The following POLR2F variants were observed in gnomAD, a reference collection of about 807,000 sequenced individuals.
POLR2F encodes the protein DNA-directed RNA polymerases I, II, and III subunit RPABC2.
In POLR2F, 12 loss-of-function variants were observed where a neutral mutation model predicts 22.7. That is an observed-to-expected ratio of 0.53 (90% CI 0.34 to 0.86). The LOEUF (loss-of-function observed/expected upper bound fraction) is 0.86. POLR2F is among the 40% of genes least tolerant of loss of function. The probability of loss-of-function intolerance (pLI) is 0.02; values close to 1 mark genes in which losing one functional copy is unlikely to be tolerated. For synonymous variants in POLR2F, 57 were observed against 66.0 expected, an observed-to-expected ratio of 0.86 and a Z score of 0.66; for missense variants, 126 against 171.5, an observed-to-expected ratio of 0.73 and a Z score of 1.48.
In POLR2F at chr22:38,011,742, T is replaced by C. The variant is rs150967605; in HGVS notation, c.121-14127T>C. Among the ~76,000 whole-genome samples the C allele has an allele frequency of 1.2e-3, 189 of 152,230 alleles. 3 individuals are homozygous for C. The highest frequency in any genetic ancestry group is 4.4e-3 in the African/African-American group (182 of 41,584). ...AATTCCTGTACTAGTCTGGATCCTT[T>C]GTGTTTCCATATAAATTTCAAAATC... On this transcript the variant is annotated intron_variant, in intron 1 of 2. Coordinates refer to the POLR2F transcript ENST00000333418.
chr22:37,956,708 T>C, intron 1 of POLR2F, 65 bp from the exon 2 acceptor site: 1 of 1,267,182 alleles, frequency 7.9e-7, no homozygotes, highest in Non-Finnish European at 1.2e-6. Context: ...TGATCCACCG[T>C]GCCTGGCCCC....
downstream of POLR2F, among the ~76,000 whole-genome samples, chr22:37,970,500 G>A (rs947781758): frequency 1.3e-5 from 2 of 150,606 alleles, no homozygotes; most frequent in Admixed American, 6.6e-5. Flanking sequence ...CCAGCTACTC[G>A]GGAGGCTGAG....
chr22:38,011,184 C>T (rs2084868843), intron 1 of POLR2F, among the ~76,000 whole-genome samples: 1 of 152,292 alleles, frequency 6.6e-6, no homozygotes, highest in South Asian at 2.1e-4. Flanking sequence ...TCACTACAGC[C>T]TCCATCTCCC....
intron 1 of POLR2F, among the ~76,000 whole-genome samples, chr22:38,022,017 G>A (rs1352919652): frequency 6.6e-6 from 1 of 150,568 alleles, no homozygotes. Context: ...TGTAATCCCA[G>A]CTACTCAGGA....
At chr22:37,974,086 G>A (rs1479720156), downstream of POLR2F, 1 of 1,613,942 alleles carries the variant, frequency 6.2e-7, no homozygotes, top group East Asian at 2.2e-5. This position sits in a 1 kb window ranked among gnomAD's most constrained non-coding sequence, Gnocchi z 5.4. Context: ...CGAAGTCGAT[G>A]TGAGGCTTCC....
intron 2 of POLR2F, among the ~76,000 whole-genome samples, chr22:37,957,310 G>T (rs2145730995): frequency 6.6e-6 from 1 of 152,296 alleles, no homozygotes; most frequent in East Asian, 1.9e-4. Context: ...CTCGAGTAAG[G>T]AGTGAACTGG....
At chr22:37,982,406 G>A (rs914661548), upstream of POLR2F, among the ~76,000 whole-genome samples, 3 of 152,118 alleles carry the variant, frequency 2.0e-5, no homozygotes, top group South Asian at 2.1e-4. Flanking sequence ...TGGGAGTGGG[G>A]GACTGTCTTG....
chr22:37,985,031 C>T, upstream of POLR2F: 1 of 152,678 alleles, frequency 6.5e-6, no homozygotes, highest in Non-Finnish European at 1.5e-5. Flanking sequence ...GCTCCTCACC[C>T]TGCCTCCTAC....
chr22:38,005,150 G>A (rs1227568285), intron 1 of POLR2F, among the ~76,000 whole-genome samples: 1 of 152,244 alleles, frequency 6.6e-6, no homozygotes, highest in African/African-American at 2.4e-5. Context: ...AGATATGCAT[G>A]TCTTTTAGGT....
At chr22:38,025,766 G>T (rs1413607130) in intron 1 of POLR2F, 28 of 1,544,432 alleles carry the variant, frequency 1.8e-5, no homozygotes, top group Non-Finnish European at 2.3e-5. Context: ...CTGAACACAG[G>T]ATCCAGGGCA....
At chr22:37,973,125 T>G, downstream of POLR2F, 3 of 224,412 alleles carry the variant, frequency 1.3e-5, no homozygotes, top group Non-Finnish European at 2.6e-5. Context: ...GTCATAGGAG[T>G]GGTAAGGCCT....
intron 4 of POLR2F, 112 bp downstream of exon 4, chr22:37,967,282 C>T (rs2145750190): frequency 6.4e-7 from 1 of 1,555,584 alleles, no homozygotes; most frequent in Non-Finnish European, 8.7e-7. Flanking sequence ...GATGCTTATT[C>T]CTACAGATCC....
chr22:37,976,501 A>G (rs1228145726), intron 4 of POLR2F, among the ~76,000 whole-genome samples: 5 of 152,232 alleles, frequency 3.3e-5, no homozygotes, highest in Admixed American at 6.5e-5. Flanking sequence ...AGTAGGACTC[A>G]GAGCGTGTCC....
intron 5 of POLR2F, among the ~76,000 whole-genome samples, chr22:38,039,158 C>A (rs1318910617): frequency 6.6e-6 from 1 of 152,242 alleles, no homozygotes; most frequent in Admixed American, 6.5e-5. Flanking sequence ...TGGGAACCAG[C>A]CCCTCCAGAA....
At chr22:37,981,787 A>T (rs1932405109), upstream of POLR2F, among the ~76,000 whole-genome samples, 1 of 151,698 alleles carries the variant, frequency 6.6e-6, no homozygotes, top group Admixed American at 6.6e-5. Context: ...GCTAGCTGTG[A>T]CCTCTGCTCT....
chr22:37,972,514 G>T, downstream of POLR2F: 1 of 314,202 alleles, frequency 3.2e-6, no homozygotes, highest in Non-Finnish European at 6.2e-6. Flanking sequence ...CAAGGGGTAA[G>T]AGGCAAGGGC....
intron 5 of POLR2F, among the ~76,000 whole-genome samples, chr22:38,033,552 G>C (rs1170450792): frequency 6.6e-6 from 1 of 152,348 alleles, no homozygotes; most frequent in Admixed American, 6.5e-5. Context: ...ACAGAGCCTC[G>C]CCAAGGCAAG....
In POLR2F at chr22:37,986,476, A is replaced by G; in HGVS notation, c.120+164A>G. 1 of 1,444,704 alleles carries G rather than the reference A, an allele frequency of 6.9e-7. No individual in the cohort carries two copies. Among genetic ancestry groups the G allele is most frequent in the Non-Finnish European group, 9.4e-7 (1 of 1,064,900 alleles). 89.5% of individuals were successfully genotyped at this position (1,444,704 alleles called of 1,614,324 possible). Reference sequence around the variant, plus strand: ...TAGGAGGTGGAATGTGGGGTCCCACAGCTGCCCCCTCTCTAACTCCCTGCT... The same window carrying G: ...TAGGAGGTGGAATGTGGGGTCCCACGGCTGCCCCCTCTCTAACTCCCTGCT... On this transcript the variant is annotated intron_variant, in intron 1 of 2. Coordinates refer to the POLR2F transcript ENST00000333418. The surrounding 1 kb of genome is among the most constrained non-coding windows in gnomAD (Gnocchi z 4.7).
At chr22:38,005,232 T>G (rs1204191912) in intron 1 of POLR2F, among the ~76,000 whole-genome samples, 1 of 152,242 alleles carries the variant, frequency 6.6e-6, no homozygotes, top group Non-Finnish European at 1.5e-5. Flanking sequence ...TCCAACGTCC[T>G]TCACTCCAGC....
Sources: allele counts gnomAD v4.1 joint callset (sites outside exome capture counted in the v4.1 genomes callset), GRCh38; gene constraint gnomAD v4.1.1; non-coding constraint Gnocchi (gnomAD v3.1); transcripts MANE v1.5; gene names NCBI Gene and HGNC (gene_info 2026-07-23, HGNC 2026-07-21).